C4orf33: variants seen among roughly 807,000 people sequenced by gnomAD.
The protein encoded by C4orf33 is chromosome 4 open reading frame 33, also known as UPF0462 protein C4orf33.
A neutral mutation model predicts 24.3 loss-of-function variants in C4orf33; 20 were observed. That is an observed-to-expected ratio of 0.82 (90% CI 0.58 to 1.19). The LOEUF is 1.19. Among genes scored for constraint, C4orf33 ranks in the 50% most tolerant of loss-of-function variants. The probability of loss-of-function intolerance (pLI) is 0.00; values close to 1 mark genes in which losing one functional copy is unlikely to be tolerated. For missense variants in C4orf33, 207 were observed against 225.9 expected (o/e 0.92, Z 0.54); for synonymous variants, 67 against 76.4 (o/e 0.88, Z 0.64).
At chr4:129,109,849 C>A in intron 5 of C4orf33, 177 bp downstream of exon 5, 1 of 954,164 alleles carries the variant, frequency 1.0e-6, no homozygotes, top group Non-Finnish European at 1.5e-6. Flanking sequence ...TTTGGACTGT[C>A]ATAATCTCTC....
chr4:129,105,313 C>T (rs1753484063), intron 2 of C4orf33, among the ~76,000 whole-genome samples: 1 of 151,938 alleles, frequency 6.6e-6, no homozygotes, highest in South Asian at 2.1e-4. Context: ...TTGGATAAGC[C>T]CCAGCCACAT....
At position 129,114,901 on chromosome 4, in the gene C4orf33, A is replaced by G. The variant is rs756088875; in HGVS notation, c.*3110A>G. ...CATTGAGTCATCCTTTGGTGTTTCA[A>G]TGTCAAGTGGTAATCTTAAATGGGC... On this transcript the variant is annotated 3_prime_UTR_variant, in exon 6 of 6. Transcript: ENST00000425929. 1.3e-5 allele frequency: 2 copies of G among 152,212 alleles called. No homozygotes were observed. Among genetic ancestry groups the G allele is most frequent in the African/African-American group, 2.4e-5 (1 of 41,436 alleles). The allele number at this position is 152,212 out of a possible 1,614,324, so 9.4% of individuals were successfully genotyped here.
intron 2 of C4orf33, among the ~76,000 whole-genome samples, chr4:129,103,415 T>C (rs1036797642): frequency 3.9e-5 from 6 of 152,304 alleles, no homozygotes; most frequent in African/African-American, 1.4e-4. Flanking sequence ...TATTTAAGTA[T>C]CTTTAAATTA....
At position 129,116,480 on chromosome 4, in the gene C4orf33, C is replaced by T. The variant is rs2125806362; in HGVS notation, c.*4689C>T. On this transcript the variant is annotated 3_prime_UTR_variant, in exon 6 of 6. Coordinates refer to ENST00000425929, the MANE Select transcript of C4orf33 (RefSeq NM_001099783.2). ...AATTTCCGTTAAACAGCATTTCTGA[C>T]TCAATAGTACACTGAAAGCCCATGT... 1 of 152,230 alleles carries T rather than the reference C, an allele frequency of 6.6e-6. No individual in the cohort carries two copies. Among genetic ancestry groups the T allele is most frequent in the South Asian group, 2.1e-4 (1 of 4,826 alleles). 9.4% of individuals were successfully genotyped at this position (152,230 alleles called of 1,614,324 possible).
chr4:129,115,836 TATATG>T lies in C4orf33; in HGVS notation c.*4046_*4050del, dbSNP rs1293049992. On this transcript the variant is annotated 3_prime_UTR_variant, in exon 6 of 6. Coordinates refer to ENST00000425929, the MANE Select transcript of C4orf33 (RefSeq NM_001099783.2). ...TATATATATATATATATATAAAATA[TATATG>T]TTTATATATAACATATATATATAGA... 5.7e-5 allele frequency: 8 copies of T among 141,188 alleles called. No individual in the cohort carries two copies. Among genetic ancestry groups the T allele is most frequent in the African/African-American group, 2.1e-4 (8 of 38,958 alleles). 8.7% of individuals were successfully genotyped at this position (141,188 alleles called of 1,614,324 possible).
chr4:129,107,195 A>G (rs1354232444), intron 3 of C4orf33, among the ~76,000 whole-genome samples: 1 of 151,964 alleles, frequency 6.6e-6, no homozygotes, highest in Non-Finnish European at 1.5e-5. Flanking sequence ...ATTCAGTGCC[A>G]GGGTTTAAAA....
intron 1 of C4orf33, among the ~76,000 whole-genome samples, chr4:129,100,354 A>G (rs1374392161): frequency 6.7e-6 from 1 of 148,914 alleles, no homozygotes; most frequent in Non-Finnish European, 1.5e-5. Context: ...TTGGCTCATC[A>G]GCTATTGTTA....
In C4orf33 at chr4:129,114,008, A is replaced by C. The variant is rs1197994523; in HGVS notation, c.*2217A>C. On this transcript the variant is annotated 3_prime_UTR_variant, in exon 6 of 6. Coordinates refer to ENST00000425929, the MANE Select transcript of C4orf33 (RefSeq NM_001099783.2). ...AATATTTTACACATTGCTTTATTACAGCATTTATTTCACTGGTCCTAGATA... is the reference window on the plus strand; with the variant it reads ...AATATTTTACACATTGCTTTATTACCGCATTTATTTCACTGGTCCTAGATA... 6.6e-6 allele frequency: 1 copy of C among 152,198 alleles called. No individual in the cohort carries two copies. The highest frequency in any genetic ancestry group is 1.5e-5 in the Non-Finnish European group (1 of 68,044). 9.4% of individuals were successfully genotyped at this position (152,198 alleles called of 1,614,324 possible). A position where few individuals can be genotyped will look rare whatever the true frequency, so the allele number is the denominator to read the frequency against.
chr4:129,097,111 G>A (rs1753230240), intron 1 of C4orf33, among the ~76,000 whole-genome samples: 1 of 152,174 alleles, frequency 6.6e-6, no homozygotes, highest in South Asian at 2.1e-4. Flanking sequence ...GTTTCACCAT[G>A]TTCGCCAGGA....
rs536279778 is a variant in C4orf33 at position 129,116,167 on chromosome 4, T to A, written c.*4376T>A. Reference sequence around the variant, plus strand: ...ATATTTTATTTTATTTCATAATAAATAACCAGTAATTAAAATATTCTTTTC... The same window carrying A: ...ATATTTTATTTTATTTCATAATAAAAAACCAGTAATTAAAATATTCTTTTC... On this transcript the variant is annotated 3_prime_UTR_variant, in exon 6 of 6. Coordinates refer to ENST00000425929, the MANE Select transcript of C4orf33 (RefSeq NM_001099783.2). The A allele has an allele frequency of 2.0e-5, 3 of 152,208 alleles. No individual in the cohort carries two copies. The South Asian group carries it at 6.2e-4, about 31-fold the overall frequency. The allele number at this position is 152,208 out of a possible 1,614,324, so 9.4% of individuals were successfully genotyped here.
chr4:129,109,701 C>A (rs1580017304), intron 5 of C4orf33, 29 bp downstream of exon 5: 3 of 1,575,668 alleles, frequency 1.9e-6, no homozygotes, highest in South Asian at 2.3e-5. Context: ...AAGATATGTT[C>A]CAAATACACG....
intron 1 of C4orf33, among the ~76,000 whole-genome samples, chr4:129,099,655 C>A (rs968033945): frequency 2.6e-5 from 4 of 152,082 alleles, no homozygotes; most frequent in African/African-American, 9.7e-5. Context: ...AGAGAATGAC[C>A]AGGAGGGGAG....
intron 1 of C4orf33, chr4:129,102,303 C>G (rs1488778708): frequency 4.8e-6 from 1 of 207,666 alleles, no homozygotes; most frequent in Non-Finnish European, 9.5e-6. Flanking sequence ...ACACTTTTAT[C>G]ACTTTTCATG....
intron 1 of C4orf33, among the ~76,000 whole-genome samples, chr4:129,100,032 C>T (rs897618353): frequency 1.3e-5 from 2 of 152,076 alleles, no homozygotes; most frequent in Admixed American, 6.5e-5. Context: ...GCACTATTCC[C>T]TACTTGTGGA....
At position 129,114,230 on chromosome 4, in the gene C4orf33, G is replaced by C. The variant is rs933397938; in HGVS notation, c.*2439G>C. On this transcript the variant is annotated 3_prime_UTR_variant, in exon 6 of 6. Coordinates refer to ENST00000425929, the MANE Select transcript of C4orf33 (RefSeq NM_001099783.2). ...AGCCATTCTCTCACATGAACTACCC[G>C]GGATGTGTGAAGGGACTAAAACACC... The C allele has an allele frequency of 6.6e-6, 1 of 152,070 alleles. No homozygotes were observed. Among genetic ancestry groups the C allele is most frequent in the South Asian group, 2.1e-4 (1 of 4,822 alleles). 9.4% of individuals were successfully genotyped at this position (152,070 alleles called of 1,614,324 possible).
chr4:129,096,529 A>C (rs1212723370), intron 1 of C4orf33, among the ~76,000 whole-genome samples: 1 of 151,992 alleles, frequency 6.6e-6, no homozygotes, highest in African/African-American at 2.4e-5. Context: ...ACCATAACTT[A>C]TTTCTTTTAA....
At chr4:129,109,408 CAT>C in intron 4 of C4orf33, 50 bp downstream of exon 4, 1 of 1,582,274 alleles carries the variant, frequency 6.3e-7, no homozygotes, top group East Asian at 2.2e-5. Flanking sequence ...CAGTAATACA[CAT>C]ATTTCTATGT....
At chr4:129,105,423 A>C (rs1753488699) in intron 2 of C4orf33, among the ~76,000 whole-genome samples, 1 of 152,222 alleles carries the variant, frequency 6.6e-6, no homozygotes, top group African/African-American at 2.4e-5. Flanking sequence ...ATATGTTACA[A>C]AATATCTGGA....
At chr4:129,107,776 T>G (rs1753562775) in intron 3 of C4orf33, among the ~76,000 whole-genome samples, 1 of 152,060 alleles carries the variant, frequency 6.6e-6, no homozygotes. Context: ...ACATTCATAA[T>G]TTGTCTAGAG....
Sources: allele counts gnomAD v4.1 joint callset (sites outside exome capture counted in the v4.1 genomes callset), GRCh38; gene constraint gnomAD v4.1.1; transcripts MANE v1.5; gene names NCBI Gene and HGNC (gene_info 2026-07-23, HGNC 2026-07-21).